ZFAT: variants seen among roughly 807,000 people sequenced by gnomAD.
The protein encoded by ZFAT is zinc finger protein ZFAT.
Under a neutral mutation model 117.7 loss-of-function variants are expected in ZFAT, and 64 were observed. The observed-to-expected ratio is 0.54, with a 90% CI of 0.44 to 0.67. The LOEUF (loss-of-function observed/expected upper bound fraction) is 0.67, where lower values mean the gene tolerates loss of function less well. Ranked by LOEUF, ZFAT falls within the 30% of genes least tolerant of loss-of-function variation. The pLI, the probability that ZFAT is intolerant of heterozygous loss-of-function variation, is 0.00. For missense variants in ZFAT, 1,433 were observed against 1,584.5 expected, an observed-to-expected ratio of 0.90 and a Z score of 1.62; for synonymous variants, 679 against 615.0, an observed-to-expected ratio of 1.10 and a Z score of -1.54.
chr8:134,754,568 A>G, the ZFAT span, among the ~76,000 whole-genome samples: 1 of 152,228 alleles, frequency 6.6e-6, no homozygotes, highest in African/African-American at 2.4e-5. Flanking sequence ...AGATATTAAG[A>G]CAACGTGTGT....
At chr8:134,776,906 C>T in the ZFAT span, among the ~76,000 whole-genome samples, 1 of 152,124 alleles carries the variant, frequency 6.6e-6, no homozygotes, top group African/African-American at 2.4e-5. Context: ...CATTTCATGC[C>T]TTAGAAAGAT....
intron 10 of ZFAT, among the ~76,000 whole-genome samples, chr8:134,568,984 C>T (rs1824677809): frequency 2.0e-5 from 3 of 152,162 alleles, no homozygotes; most frequent in Non-Finnish European, 4.4e-5. Flanking sequence ...AGATGCACAT[C>T]GAATGGCTGT....
the ZFAT span, among the ~76,000 whole-genome samples, chr8:134,775,738 A>G: frequency 6.3e-4 from 96 of 152,252 alleles, no homozygotes; most frequent in African/African-American, 2.1e-3. Flanking sequence ...TATTTGGTCC[A>G]GGTTTTTTGG....
chr8:134,521,762 T>C (rs7386524), intron 12 of ZFAT, among the ~76,000 whole-genome samples: 107,171 of 152,142 alleles, frequency 0.7, 39,200 homozygotes, highest in African/African-American at 0.91. Flanking sequence ...CAAACTCCAG[T>C]CTCAGGAGAC....
chr8:134,673,726 C>A (rs1469300769), intron 1 of ZFAT, among the ~76,000 whole-genome samples: 1 of 131,198 alleles, frequency 7.6e-6, no homozygotes, highest in East Asian at 2.3e-4. Context: ...TTTAGCTCTA[C>A]TTACTGATTT....
In ZFAT at chr8:134,708,194, A is replaced by G. The variant is rs554360517; in HGVS notation, c.19+4651T>C. ...GGTACCAGAGCCTGAAGGTGTAGGAAGAAATGATGATCAAAGGCTACAAAG... is the reference window on the plus strand; with the variant it reads ...GGTACCAGAGCCTGAAGGTGTAGGAGGAAATGATGATCAAAGGCTACAAAG... On this transcript the variant is annotated intron_variant, in intron 1 of 15. Coordinates refer to ENST00000377838, the MANE Select transcript of ZFAT (RefSeq NM_020863.4). 2.6e-5 allele frequency among the ~76,000 whole-genome samples: 4 copies of G among 152,340 alleles called. No homozygotes were observed. In the South Asian group the frequency reaches 8.3e-4, roughly 32 times the overall value.
intron 3 of ZFAT, among the ~76,000 whole-genome samples, chr8:134,619,016 C>A (rs1828930755): frequency 6.6e-6 from 1 of 152,172 alleles, no homozygotes; most frequent in Non-Finnish European, 1.5e-5. Flanking sequence ...AGAGTGCAGG[C>A]CTTTGGGAAG....
the ZFAT span, among the ~76,000 whole-genome samples, chr8:134,737,315 T>A: frequency 0.033 from 1,813 of 55,388 alleles, 15 homozygotes; most frequent in South Asian, 0.068. Flanking sequence ...AATAAAAAAA[T>A]AAAAATGTAG....
At chr8:134,695,316 T>G (rs1484751182) in intron 1 of ZFAT, among the ~76,000 whole-genome samples, 1 of 147,842 alleles carries the variant, frequency 6.8e-6, no homozygotes, top group Non-Finnish European at 1.5e-5. Context: ...CACCCCTTGC[T>G]CTCTCCATCT....
intron 11 of ZFAT, among the ~76,000 whole-genome samples, chr8:134,550,310 GAAAAAA>G (rs10680896): frequency 0.02 from 1,430 of 72,542 alleles, 22 homozygotes; most frequent in Middle Eastern, 0.036. Context: ...GGTCACAACG[GAAAAAA>G]AAAAAAAAAA....
At chr8:134,686,058 C>T (rs989797454) in intron 1 of ZFAT, among the ~76,000 whole-genome samples, 1 of 152,228 alleles carries the variant, frequency 6.6e-6, no homozygotes, top group Non-Finnish European at 1.5e-5. Flanking sequence ...GTCACTGCTG[C>T]TGCTGGTCCC....
chr8:134,566,261 G>A (rs938674982), intron 10 of ZFAT, among the ~76,000 whole-genome samples: 8 of 151,992 alleles, frequency 5.3e-5, no homozygotes, highest in African/African-American at 1.7e-4. Context: ...AGGCGCAGTC[G>A]CGGGTGCCTG....
In ZFAT at chr8:134,509,758, G is replaced by C; in HGVS notation, c.3362-9C>G. The C allele has an allele frequency of 6.3e-7, 1 of 1,591,770 alleles. No homozygotes were observed. ...GGGGTCCAGTCGGTCGCCTTAAGAG[G>C]AAGAAGCAAAGAGGACACCATTCAG... On this transcript the variant is annotated splice_polypyrimidine_tract_variant and intron_variant, in intron 14 of 15. Transcript: ENST00000377838.
At chr8:134,712,688 T>G (rs1333335132) in intron 1 of ZFAT, among the ~76,000 whole-genome samples, 157 bp downstream of exon 1, 1 of 144,838 alleles carries the variant, frequency 6.9e-6, no homozygotes, top group Non-Finnish European at 1.5e-5. Context: ...CGCAACTACG[T>G]TCGCTCTCCT....
At chr8:134,684,975 A>T (rs924697212) in intron 1 of ZFAT, among the ~76,000 whole-genome samples, 1 of 152,192 alleles carries the variant, frequency 6.6e-6, no homozygotes, top group Non-Finnish European at 1.5e-5. Context: ...AGCCATGGGA[A>T]GGAGAGGAAG....
chr8:134,724,404 G>T, the ZFAT span, among the ~76,000 whole-genome samples: 1 of 152,174 alleles, frequency 6.6e-6, no homozygotes, highest in African/African-American at 2.4e-5. Context: ...ATGTGCCAGG[G>T]GTTACTCCTT....
the ZFAT span, among the ~76,000 whole-genome samples, chr8:134,733,249 C>G: frequency 6.6e-6 from 1 of 152,174 alleles, no homozygotes; most frequent in African/African-American, 2.4e-5. Context: ...TGCCAGAGTC[C>G]AGCAACAACC....
At chr8:134,610,236 G>C (rs1441076482) in intron 4 of ZFAT, among the ~76,000 whole-genome samples, 1 of 152,156 alleles carries the variant, frequency 6.6e-6, no homozygotes, top group African/African-American at 2.4e-5. Context: ...CGGAGCTGTG[G>C]GACTACAGCA....
chr8:134,662,767 C>G (rs962864558), intron 1 of ZFAT, among the ~76,000 whole-genome samples: 1 of 152,176 alleles, frequency 6.6e-6, no homozygotes, highest in East Asian at 1.9e-4. Flanking sequence ...AGCAGGGAGG[C>G]AAGCGTACAG....
Sources: gnomAD v4.1 joint callset for allele counts (sites outside exome capture counted in the v4.1 genomes callset) on GRCh38, gnomAD v4.1.1 for gene constraint, MANE v1.5 for transcripts, NCBI Gene and HGNC (gene_info 2026-07-23, HGNC 2026-07-21) for gene names.